PTPRD: variants seen among roughly 807,000 people sequenced by gnomAD.
PTPRD encodes the protein protein tyrosine phosphatase receptor type D.
In PTPRD, 34 loss-of-function variants were observed where a neutral mutation model predicts 214.5. The observed-to-expected ratio is 0.16, with a 90% CI of 0.12 to 0.21. The LOEUF (loss-of-function observed/expected upper bound fraction) is 0.21. Ranked by LOEUF, PTPRD falls within the 10% of genes least tolerant of loss-of-function variation. The pLI, the probability that PTPRD is intolerant of heterozygous loss-of-function variation, is 1.00. For synonymous variants in PTPRD, 1,128 were observed against 845.7 expected (o/e 1.33, Z -5.79); for missense variants, 2,545 against 2,398.7 (o/e 1.06, Z -1.27).
Position 8,389,319 on chromosome 9 carries a change from G to A in PTPRD, c.4299C>T (p.Pro1433=), listed in dbSNP as rs769986785. The A allele has an allele frequency of 4.5e-5, 72 of 1,612,734 alleles. No homozygotes were observed. Among genetic ancestry groups the A allele is most frequent in the Middle Eastern group, 1.7e-4 (1 of 6,054 alleles). Residue 1433 remains proline, a synonymous_variant, in exon 37 of 46, where the codon CCC becomes CCT. Coordinates refer to ENST00000381196, the MANE Select transcript of PTPRD (RefSeq NM_002839.4). The part of the protein sequence containing the change: ...NAYIATQGSL[P]ETFGDFWRMI... ...TTCTCCAAAAGTCCCCAAATGTTTCGGGGAGAGATCCCTGTGTTGCAATAT... is the reference window on the plus strand; with the variant it reads ...TTCTCCAAAAGTCCCCAAATGTTTCAGGGAGAGATCCCTGTGTTGCAATAT...
intron 3 of PTPRD, among the ~76,000 whole-genome samples, chr9:10,147,770 C>G (rs2099033614): frequency 1.3e-5 from 2 of 152,154 alleles, no homozygotes; most frequent in Admixed American, 1.3e-4. Context: ...ATCCCAGCCA[C>G]TTAAGAGGCT....
chr9:10,108,240 G>C (rs1290666288), intron 3 of PTPRD, among the ~76,000 whole-genome samples: 2 of 151,956 alleles, frequency 1.3e-5, no homozygotes, highest in Non-Finnish European at 2.9e-5. Context: ...ATGATGTCTC[G>C]ATATACATAC....
chr9:9,222,714 C>T (rs935172327), intron 9 of PTPRD, among the ~76,000 whole-genome samples: 5 of 151,920 alleles, frequency 3.3e-5, no homozygotes, highest in African/African-American at 4.8e-5. Flanking sequence ...AAACTATTAG[C>T]ATTAGGAGAT....
chr9:9,756,138 T>A (rs556493566), intron 6 of PTPRD, among the ~76,000 whole-genome samples: 1 of 152,218 alleles, frequency 6.6e-6, no homozygotes, highest in South Asian at 2.1e-4. Context: ...TCTGTTCTAA[T>A]ATCGACCTCA....
chr9:9,790,505 T>C (rs980094768), intron 5 of PTPRD, among the ~76,000 whole-genome samples: 1 of 152,240 alleles, frequency 6.6e-6, no homozygotes, highest in Non-Finnish European at 1.5e-5. Flanking sequence ...TCAGTGGCTT[T>C]ATCTCAAATG....
intron 5 of PTPRD, among the ~76,000 whole-genome samples, chr9:9,805,008 A>G (rs1347969439): frequency 3.9e-5 from 6 of 152,142 alleles, no homozygotes; most frequent in Non-Finnish European, 7.4e-5. Flanking sequence ...TACAGATTAT[A>G]TAGTGCAATT....
chr9:10,488,719 T>C (rs930971644), intron 2 of PTPRD, among the ~76,000 whole-genome samples: 7 of 152,024 alleles, frequency 4.6e-5, no homozygotes, highest in Admixed American at 4.6e-4. Context: ...GGCAGAGAAC[T>C]CTCATCAACG....
intron 3 of PTPRD, among the ~76,000 whole-genome samples, chr9:10,230,031 G>A (rs2099603342): frequency 6.6e-6 from 1 of 151,920 alleles, no homozygotes; most frequent in Admixed American, 6.6e-5. Flanking sequence ...TCTCAAGTTA[G>A]GCTCTTGATA....
chr9:10,220,147 A>G (rs2099562296), intron 3 of PTPRD, among the ~76,000 whole-genome samples: 1 of 151,870 alleles, frequency 6.6e-6, no homozygotes, highest in Admixed American at 6.6e-5. Flanking sequence ...TTTTTTTAGT[A>G]TCACTTTTAA....
At chr9:8,914,870 C>T (rs113618339) in intron 11 of PTPRD, among the ~76,000 whole-genome samples, 42 of 152,128 alleles carry the variant, frequency 2.8e-4, no homozygotes, top group African/African-American at 1.0e-3. Context: ...TTTAGATCCT[C>T]TGCAGACAAC....
intron 11 of PTPRD, among the ~76,000 whole-genome samples, chr9:8,794,121 G>C (rs1282625070): frequency 6.6e-6 from 1 of 150,860 alleles, no homozygotes; most frequent in Non-Finnish European, 1.5e-5. Context: ...CAGCAGCAAT[G>C]CATTTTTTCC....
chr9:9,776,158 T>A (rs767312242), intron 5 of PTPRD, among the ~76,000 whole-genome samples: 1 of 152,094 alleles, frequency 6.6e-6, no homozygotes, highest in Non-Finnish European at 1.5e-5. Context: ...CTAAACCACT[T>A]GCTGTCCACT....
chr9:10,364,201 C>T (rs2097464778), intron 2 of PTPRD, among the ~76,000 whole-genome samples: 1 of 151,752 alleles, frequency 6.6e-6, no homozygotes, highest in South Asian at 2.1e-4. Context: ...TAGGGTTTCA[C>T]CGCGTTAGCC....
At chr9:9,141,560 T>G (rs986949922) in intron 10 of PTPRD, among the ~76,000 whole-genome samples, 4 of 151,874 alleles carry the variant, frequency 2.6e-5, no homozygotes, top group Non-Finnish European at 2.9e-5. Flanking sequence ...TACATTATAC[T>G]GTTCTCCTTA....
intron 3 of PTPRD, among the ~76,000 whole-genome samples, chr9:10,309,281 G>A (rs1347943723): frequency 6.6e-6 from 1 of 151,520 alleles, no homozygotes; most frequent in Non-Finnish European, 1.5e-5. Flanking sequence ...TTAAAAAATG[G>A]CTTATTAATT....
chr9:9,341,922 C>A (rs1482604978), intron 9 of PTPRD, among the ~76,000 whole-genome samples: 8 of 152,124 alleles, frequency 5.3e-5, no homozygotes, highest in Admixed American at 4.6e-4. Flanking sequence ...GATTCTCCTG[C>A]CTCAGCCTCT....
chr9:9,718,109 T>G (rs1323812355), intron 7 of PTPRD, among the ~76,000 whole-genome samples: 2 of 152,140 alleles, frequency 1.3e-5, no homozygotes, highest in Non-Finnish European at 2.9e-5. Flanking sequence ...TTTACAAATA[T>G]CCTTCTTTAG....
intron 10 of PTPRD, among the ~76,000 whole-genome samples, chr9:9,046,401 T>C (rs1483915855): frequency 6.6e-6 from 1 of 152,208 alleles, no homozygotes; most frequent in African/African-American, 2.4e-5. Context: ...AAATTTTCTT[T>C]AAAAATTGGT....
At chr9:9,426,518 C>T (rs2080993141) in intron 8 of PTPRD, among the ~76,000 whole-genome samples, 1 of 152,200 alleles carries the variant, frequency 6.6e-6, no homozygotes, top group Non-Finnish European at 1.5e-5. Flanking sequence ...GAAACTTCTG[C>T]AGACTTAAAG....
Sources: gnomAD v4.1 joint callset for allele counts (sites outside exome capture counted in the v4.1 genomes callset) on GRCh38, gnomAD v4.1.1 for gene constraint, MANE v1.5 for transcripts, NCBI Gene and HGNC (gene_info 2026-07-23, HGNC 2026-07-21) for gene names.